BNIP5: variants seen among roughly 807,000 people sequenced by gnomAD.
The protein encoded by BNIP5 is BCL2 interacting protein 5, also known as protein BNIP5.
BNIP5 carries 61 observed loss-of-function variants against 67.3 expected under a neutral mutation model. The ratio of observed to expected loss-of-function variants is 0.91; its 90% CI spans 0.74 to 1.12. The LOEUF is 1.12. BNIP5 is among the 50% of genes most tolerant of loss of function. BNIP5 has a pLI of 0.00. For missense variants in BNIP5, 826 were observed against 816.3 expected (o/e 1.01, Z -0.14); for synonymous variants, 317 against 319.0 (o/e 0.99, Z 0.07).
At chr6:36,320,761 A>G (rs1309363426) in intron 10 of BNIP5, among the ~76,000 whole-genome samples, 2 of 152,192 alleles carry the variant, frequency 1.3e-5, no homozygotes, top group Admixed American at 1.3e-4. Context: ...CAAGACCGAG[A>G]GTGAACCCGG....
Position 36,319,454 on chromosome 6 carries a change from T to C in BNIP5, c.1825A>G (p.Asn609Asp). The C allele has an allele frequency of 6.2e-7, 1 of 1,614,124 alleles. No homozygotes were observed. The highest frequency in any genetic ancestry group is 8.5e-7 in the Non-Finnish European group (1 of 1,179,998). Residue 609 changes from asparagine (N) to aspartate (D), a missense_variant, in exon 11 of 12, where the codon AAC becomes GAC. Asn to Asp is a conservative substitution (Grantham distance 23, BLOSUM62 1). Coordinates refer to ENST00000437635, the MANE Select transcript of BNIP5 (RefSeq NM_001010903.5). ...RLYQFDVSLA[N>D]KFAGSNSHAM... ...TGGCTGTTGCTGCCAGCAAATTTGTTAGCTAAGCTAACGTCAAACTGGTAG... is the reference window on the plus strand; with the variant it reads ...TGGCTGTTGCTGCCAGCAAATTTGTCAGCTAAGCTAACGTCAAACTGGTAG...
Position 36,330,025 on chromosome 6 carries a change from G to A in BNIP5, c.610+56C>T, listed in dbSNP as rs1771851323. 2.6e-6 allele frequency: 4 copies of A among 1,511,048 alleles called. No individual in the cohort carries two copies. The Admixed American group carries it at 6.6e-5, about 25-fold the overall frequency. The allele number at this position is 1,511,048 out of a possible 1,614,324, so 93.6% of individuals were successfully genotyped here. On this transcript the variant is annotated intron_variant, in intron 2 of 11. Coordinates refer to ENST00000437635, the MANE Select transcript of BNIP5 (RefSeq NM_001010903.5). ...CCTGTCCCTCTGTGGAGAGGCTCCT[G>A]GAGCAAGTTTAGAGCACCCTAGGGG...
intron 5 of BNIP5, among the ~76,000 whole-genome samples, chr6:36,326,109 G>C (rs1350301590): frequency 6.6e-6 from 1 of 152,214 alleles, no homozygotes; most frequent in African/African-American, 2.4e-5. Context: ...TACAGGTGAA[G>C]AAATTGAGGC....
intron 9 of BNIP5, among the ~76,000 whole-genome samples, chr6:36,321,691 A>G (rs1281089655): frequency 6.6e-6 from 1 of 152,190 alleles, no homozygotes; most frequent in Non-Finnish European, 1.5e-5. Context: ...TTTACTGTAA[A>G]TATTCAGGAA....
In BNIP5 at chr6:36,319,402, CTT is replaced by C. The variant is rs752007511; in HGVS notation, c.1875_1876del (p.Asp627ProfsTer20). The C allele has an allele frequency of 3.7e-6, 6 of 1,614,158 alleles. No individual in the cohort carries two copies. Among genetic ancestry groups the C allele is most frequent in the Non-Finnish European group, 4.2e-6 (5 of 1,180,024 alleles). On this transcript the variant is annotated frameshift_variant, in exon 11 of 12. Transcript: ENST00000437635. LOFTEE classifies it low-confidence loss of function (END_TRUNC). ...GAACTGGGTGCAATTGTAGTGGTCT[CTT>C]AGGCCCATGAGGATGCACATGGCAT...
rs770800365 is a variant in BNIP5 at position 36,322,295 on chromosome 6, C to G, written c.1603+16G>C. ...ACCCGGGAAGCTGTCCAGGTAAGAG[C>G]AGGGGTGTTACTGACTAGATTCACA... is the stretch of plus-strand genomic sequence containing the variant. On this transcript the variant is annotated intron_variant, in intron 9 of 11. Coordinates refer to ENST00000437635, the MANE Select transcript of BNIP5 (RefSeq NM_001010903.5). The G allele has an allele frequency of 3.1e-6, 5 of 1,613,930 alleles. No individual in the cohort carries two copies. The Middle Eastern group carries it at 6.6e-4, about 213-fold the overall frequency.
Position 36,326,674 on chromosome 6 carries a change from G to A in BNIP5, c.872C>T (p.Thr291Ile), listed in dbSNP as rs749553815. The A allele has an allele frequency of 2.6e-5, 42 of 1,613,752 alleles. No individual in the cohort carries two copies. Among genetic ancestry groups the A allele is most frequent in the Non-Finnish European group, 3.3e-5 (39 of 1,180,030 alleles). Residue 291 changes from threonine to isoleucine, a missense_variant, in exon 5 of 12, where the codon ACA (threonine) becomes ATA (isoleucine). Coordinates refer to ENST00000437635, the MANE Select transcript of BNIP5 (RefSeq NM_001010903.5). ...AVRKKSQEKKTSLKRTSKTNP... is the reference protein window; with the variant it reads ...AVRKKSQEKKISLKRTSKTNP... ...TGTCTTTGAGGTTCTCTTGAGGCTTGTCTTTTTCTCTTGGGATTTCTTCCT... is the reference window on the plus strand; with the variant it reads ...TGTCTTTGAGGTTCTCTTGAGGCTTATCTTTTTCTCTTGGGATTTCTTCCT...
At chr6:36,319,733 G>T in intron 10 of BNIP5, 123 bp from the exon 11 acceptor site, 1 of 1,096,186 alleles carries the variant, frequency 9.1e-7, no homozygotes, top group Non-Finnish European at 1.3e-6. Context: ...AGCTCCCCTT[G>T]TTACATCCCT....
At chr6:36,332,131 AC>A (rs376042686) in intron 1 of BNIP5, among the ~76,000 whole-genome samples, 117 of 151,104 alleles carry the variant, frequency 7.7e-4, no homozygotes, top group Admixed American at 2.0e-3. Context: ...AGCCTCCATC[AC>A]CCCTCTGACC....
chr6:36,330,328 C>G lies in BNIP5; in HGVS notation c.363G>C (p.Arg121Ser), dbSNP rs951956757. The G allele has an allele frequency of 6.2e-7, 1 of 1,614,110 alleles. No homozygotes were observed. The highest frequency in any genetic ancestry group is 1.7e-5 in the Admixed American group (1 of 60,012). Residue 121 changes from arginine to serine, a missense_variant, in exon 2 of 12, where the codon AGG (arginine) becomes AGC (serine). Physicochemically the swap from Arg to Ser is moderately radical, Grantham distance 110. Transcript: ENST00000437635. ...GPEEPREKASRRPRGKEGISQ... is the reference protein window; with the variant it reads ...GPEEPREKASSRPRGKEGISQ... ...AGATACCCTCCTTCCCCCTTGGCCTCCTGCTGGCCTTTTCTCTGGGCTCCT... is the reference window on the plus strand; with the variant it reads ...AGATACCCTCCTTCCCCCTTGGCCTGCTGCTGGCCTTTTCTCTGGGCTCCT...
rs535414404 is a variant in BNIP5, at chr6:36,316,896, A to T, written c.*460T>A. ...ACTGGTCAACTGAAGAAATGATGGGATACACTTCGATGCATATCTGTTTGG... is the reference window on the plus strand; with the variant it reads ...ACTGGTCAACTGAAGAAATGATGGGTTACACTTCGATGCATATCTGTTTGG... On this transcript the variant is annotated 3_prime_UTR_variant, in exon 12 of 12. Coordinates refer to ENST00000437635, the MANE Select transcript of BNIP5 (RefSeq NM_001010903.5). 2.5e-6 allele frequency: 1 copy of T among 402,916 alleles called. No homozygotes were observed. Among genetic ancestry groups the T allele is most frequent in the East Asian group, 3.5e-5 (1 of 28,192 alleles). 25.0% of individuals were successfully genotyped at this position (402,916 alleles called of 1,614,324 possible).
intron 3 of BNIP5, 101 bp from the exon 4 acceptor site, chr6:36,327,195 A>G (rs1771784937): frequency 1.9e-6 from 2 of 1,051,800 alleles, no homozygotes; most frequent in African/African-American, 1.6e-5. Context: ...TCTTTAGGCC[A>G]CACAATGGAG....
chr6:36,323,390 T>C lies in BNIP5; in HGVS notation c.1374A>G (p.Ala458=), dbSNP rs1771680376. Residue 458 remains alanine (A), a synonymous_variant, in exon 8 of 12, where the codon GCA becomes GCG. Coordinates refer to ENST00000437635, the MANE Select transcript of BNIP5 (RefSeq NM_001010903.5). ...GGGCCTCTGGGCTGGCAGCCCCTGC[T>C]GCCCCCGCTCTTCTGGGTTCCTTGG... ...HTSKEPRRAG[A]AGAASPEARR... 6.2e-7 allele frequency: 1 copy of C among 1,614,158 alleles called. No homozygotes were observed. The highest frequency in any genetic ancestry group is 1.3e-5 in the African/African-American group (1 of 74,956).
chr6:36,328,458 C>T (rs868047593), intron 3 of BNIP5, 140 bp downstream of exon 3: 229 of 579,830 alleles, frequency 3.9e-4, no homozygotes, highest in African/African-American at 3.9e-3. Context: ...GCCAGAAGCA[C>T]CAAAAGAGGC....
Position 36,326,504 on chromosome 6 carries a change from G to A in BNIP5, c.1036+6C>T, listed in dbSNP as rs1272908194. 5 of 1,614,150 alleles carry A rather than the reference G, an allele frequency of 3.1e-6. No homozygotes were observed. The highest frequency in any genetic ancestry group is 1.3e-5 in the African/African-American group (1 of 75,048). ...GGTTGCTATGGCAACTGCAGAGCCT[G>A]CTCACCATAGCTGCTGGAGATGGAA... On this transcript the variant is annotated splice_donor_region_variant and intron_variant, in intron 5 of 11. Coordinates refer to ENST00000437635, the MANE Select transcript of BNIP5 (RefSeq NM_001010903.5).
intron 8 of BNIP5, 52 bp from the exon 9 acceptor site, chr6:36,322,494 C>T (rs2127364165): frequency 6.4e-7 from 1 of 1,573,556 alleles, no homozygotes; most frequent in Non-Finnish European, 8.6e-7. Flanking sequence ...GAATCTAGTT[C>T]CTGACAAGAA....
At chr6:36,321,117 C>A in intron 10 of BNIP5, 38 bp downstream of exon 10, 1 of 1,310,756 alleles carries the variant, frequency 7.6e-7, no homozygotes, top group Non-Finnish European at 1.1e-6. Flanking sequence ...GTAGATGAGG[C>A]CCTGGGGTTG....
At chr6:36,319,701 G>T in intron 10 of BNIP5, 91 bp from the exon 11 acceptor site, 1 of 1,461,588 alleles carries the variant, frequency 6.8e-7, no homozygotes, top group Middle Eastern at 2.2e-4. Context: ...AGCCAGGCGG[G>T]GCACTCCTTG....
Position 36,319,442 on chromosome 6 carries a change from C to T in BNIP5, c.1837G>A (p.Gly613Ser), listed in dbSNP as rs762914873. ...ATGCACATGGCATGGCTGTTGCTGC[C>T]AGCAAATTTGTTAGCTAAGCTAACG... ...FDVSLANKFA[G>S]SNSHAMCILM... Residue 613 changes from glycine to serine, a missense_variant, in exon 11 of 12, where the codon GGC becomes AGC. Transcript: ENST00000437635. The T allele has an allele frequency of 2.4e-5, 39 of 1,614,062 alleles. 1 individual carries two copies. In the South Asian group the frequency reaches 3.3e-4, roughly 14 times the overall value.
Sources: gnomAD v4.1 joint callset for allele counts (sites outside exome capture counted in the v4.1 genomes callset) on GRCh38, gnomAD v4.1.1 for gene constraint, MANE v1.5 for transcripts, NCBI Gene and HGNC (gene_info 2026-07-23, HGNC 2026-07-21) for gene names.